The following TMEM135 variants were observed in gnomAD, a reference collection of about 807,000 sequenced individuals.
TMEM135 encodes the protein transmembrane protein 135, also known as peroxisomal membrane protein 52.
TMEM135 carries 30 observed loss-of-function variants against 60.3 expected under a neutral mutation model. The ratio of observed to expected loss-of-function variants is 0.50; its 90% CI spans 0.37 to 0.68. The LOEUF is 0.68. Ranked by LOEUF, TMEM135 falls within the 30% of genes least tolerant of loss-of-function variation. The pLI is 0.00. For missense variants in TMEM135, 468 were observed against 548.8 expected (o/e 0.85, Z 1.47); for synonymous variants, 190 against 186.7 (o/e 1.02, Z -0.14).
rs569928678 is a variant in TMEM135 at position 87,310,065 on chromosome 11, G to C, written c.936+393G>C. On this transcript the variant is annotated intron_variant, in intron 10 of 14. Coordinates refer to ENST00000305494, the MANE Select transcript of TMEM135 (RefSeq NM_022918.4). ...TGGTTATTAATTTAAATGTATTTCA[G>C]ATCTTTCTAGCTGAAATAAACACTT... Among the ~76,000 whole-genome samples, 117 of 151,734 alleles carry C rather than the reference G, an allele frequency of 7.7e-4. 1 individual carries two copies. The highest frequency in any genetic ancestry group is 1.4e-3 in the Non-Finnish European group (95 of 67,958).
At chr11:87,099,477 G>A (rs992951119) in intron 4 of TMEM135, among the ~76,000 whole-genome samples, 2 of 151,894 alleles carry the variant, frequency 1.3e-5, no homozygotes, top group African/African-American at 4.8e-5. Flanking sequence ...AATTGATACA[G>A]TCAGGATACA....
intron 5 of TMEM135, among the ~76,000 whole-genome samples, chr11:87,224,546 G>T (rs896490187): frequency 6.6e-6 from 1 of 151,946 alleles, no homozygotes; most frequent in African/African-American, 2.4e-5. Flanking sequence ...CCTTAAGCCT[G>T]GTTCTTATTC....
intron 6 of TMEM135, among the ~76,000 whole-genome samples, chr11:87,268,815 T>G (rs1941804814): frequency 6.6e-6 from 1 of 152,142 alleles, no homozygotes; most frequent in African/African-American, 2.4e-5. Flanking sequence ...ATTTATTTTG[T>G]GTATTTAAGC....
At chr11:87,309,827 G>A (rs1942611154) in intron 10 of TMEM135, among the ~76,000 whole-genome samples, 155 bp downstream of exon 10, 1 of 152,134 alleles carries the variant, frequency 6.6e-6, no homozygotes, top group Non-Finnish European at 1.5e-5. Flanking sequence ...ATATTGGGAA[G>A]TGAGGGTACA....
At chr11:87,318,417 TTAACC>T (rs1018363455) in intron 13 of TMEM135, among the ~76,000 whole-genome samples, 182 bp downstream of exon 13, 2 of 152,088 alleles carry the variant, frequency 1.3e-5, no homozygotes, top group Non-Finnish European at 2.9e-5. Flanking sequence ...ATCATTAATG[TTAACC>T]TAATGCGCTA....
At position 87,328,226 on chromosome 11, in the gene TMEM135, A is replaced by T; in HGVS notation, c.*6893A>T. ...TCCCATTATATCCTTCTCTCTCTTG[A>T]TTTAGAATTCTCTTTTTCTCCACTC... is the stretch of plus-strand genomic sequence containing the variant. On this transcript the variant is annotated 3_prime_UTR_variant, in exon 15 of 15. Transcript: ENST00000305494. 2.2e-6 allele frequency: 1 copy of T among 453,990 alleles called. No individual in the cohort carries two copies. Among genetic ancestry groups the T allele is most frequent in the South Asian group, 1.6e-5 (1 of 64,462 alleles). 28.1% of individuals were successfully genotyped at this position (453,990 alleles called of 1,614,324 possible). A position where few individuals can be genotyped will look rare whatever the true frequency, so the allele number is the denominator to read the frequency against.
intron 6 of TMEM135, among the ~76,000 whole-genome samples, chr11:87,246,519 A>C (rs1161469683): frequency 6.6e-6 from 1 of 152,184 alleles, no homozygotes; most frequent in Non-Finnish European, 1.5e-5. Context: ...GTTTTCACAT[A>C]GTCCCATATT....
chr11:87,059,837 C>T (rs577502418), intron 1 of TMEM135, among the ~76,000 whole-genome samples: 7 of 152,088 alleles, frequency 4.6e-5, no homozygotes, highest in African/African-American at 7.2e-5. Context: ...ATCTTGGGGC[C>T]GGGCGTGGTG....
chr11:87,085,234 C>A (rs12282651), intron 3 of TMEM135, among the ~76,000 whole-genome samples: 3 of 152,022 alleles, frequency 2.0e-5, no homozygotes, highest in African/African-American at 4.8e-5. Context: ...ACATATCATA[C>A]CCTTCAGAGA....
At chr11:87,046,772 A>C (rs1590976766) in intron 1 of TMEM135, among the ~76,000 whole-genome samples, 1 of 152,354 alleles carries the variant, frequency 6.6e-6, no homozygotes, top group East Asian at 1.9e-4. Context: ...TATTTGGAGC[A>C]GAGGAAAAGA....
intron 5 of TMEM135, chr11:87,157,671 T>C (rs1938738956): frequency 2.7e-6 from 1 of 363,796 alleles, no homozygotes; most frequent in Admixed American, 4.6e-5. Context: ...TATTAGTAAC[T>C]TCTACAAATG....
At chr11:87,190,542 G>T (rs1482955767) in intron 5 of TMEM135, among the ~76,000 whole-genome samples, 1 of 151,948 alleles carries the variant, frequency 6.6e-6, no homozygotes, top group Non-Finnish European at 1.5e-5. Flanking sequence ...GTATTTGTTG[G>T]CAATCACTGT....
rs1439872685 is a variant in TMEM135 at position 87,328,149 on chromosome 11, C to T, written c.*6816C>T. On this transcript the variant is annotated 3_prime_UTR_variant, in exon 15 of 15. Coordinates refer to ENST00000305494, the MANE Select transcript of TMEM135 (RefSeq NM_022918.4). ...GAATTCTGTTACTTTCAGCTGAAAACATTTCTAATGGACATATTCCAATTC... is the reference window on the plus strand; with the variant it reads ...GAATTCTGTTACTTTCAGCTGAAAATATTTCTAATGGACATATTCCAATTC... 3 of 454,048 alleles carry T rather than the reference C, an allele frequency of 6.6e-6. No homozygotes were observed. Among genetic ancestry groups the T allele is most frequent in the South Asian group, 4.7e-5 (3 of 64,474 alleles). The allele number at this position is 454,048 out of a possible 1,614,324, so 28.1% of individuals were successfully genotyped here. A position where few individuals can be genotyped will look rare whatever the true frequency, so the allele number is the denominator to read the frequency against.
intron 5 of TMEM135, chr11:87,157,833 A>T (rs2135268494): frequency 6.3e-6 from 1 of 157,652 alleles, no homozygotes; most frequent in East Asian, 1.9e-4. Flanking sequence ...AGGGAGAGGG[A>T]GAAAAAAGCT....
At chr11:87,195,673 G>A (rs1012050491) in intron 5 of TMEM135, among the ~76,000 whole-genome samples, 7 of 152,102 alleles carry the variant, frequency 4.6e-5, no homozygotes, top group Non-Finnish European at 7.4e-5. Flanking sequence ...GCCTCCCAAA[G>A]CGTTGGGATT....
chr11:87,058,343 TA>T (rs1430280265), intron 1 of TMEM135, among the ~76,000 whole-genome samples: 5 of 152,124 alleles, frequency 3.3e-5, no homozygotes, highest in Non-Finnish European at 4.4e-5. Context: ...TTATTATTAT[TA>T]TTTTTTTGAC....
At chr11:87,092,102 G>A (rs7926398) in intron 4 of TMEM135, among the ~76,000 whole-genome samples, 2,866 of 152,188 alleles carry the variant, frequency 0.019, 76 homozygotes, top group East Asian at 0.06. Context: ...TAACAAGGGA[G>A]TATATTTCAG....
rs1324498457 is a variant in TMEM135 at position 87,324,087 on chromosome 11, A to G, written c.*2754A>G. ...AATCCAAACTGAGCAAATGTCACAC[A>G]GTATTTTCTTGTTGTGCTCGAGTGT... On this transcript the variant is annotated 3_prime_UTR_variant, in exon 15 of 15. Coordinates refer to ENST00000305494, the MANE Select transcript of TMEM135 (RefSeq NM_022918.4). 2.2e-6 allele frequency: 1 copy of G among 454,068 alleles called. No homozygotes were observed. The highest frequency in any genetic ancestry group is 1.6e-5 in the South Asian group (1 of 64,476). The allele number at this position is 454,068 out of a possible 1,614,324, so 28.1% of individuals were successfully genotyped here. A position where few individuals can be genotyped will look rare whatever the true frequency, so the allele number is the denominator to read the frequency against.
chr11:87,271,190 A>G (rs776322808), intron 6 of TMEM135, among the ~76,000 whole-genome samples: 12 of 152,124 alleles, frequency 7.9e-5, no homozygotes, highest in Non-Finnish European at 1.6e-4. Context: ...ATATACCACC[A>G]CCAAAAAAAT....
Sources: gnomAD v4.1 joint callset for allele counts (sites outside exome capture counted in the v4.1 genomes callset) on GRCh38, gnomAD v4.1.1 for gene constraint, MANE v1.5 for transcripts, NCBI Gene and HGNC (gene_info 2026-07-23, HGNC 2026-07-21) for gene names.